Variants in TRIM67 observed in about 807,000 individuals in gnomAD.
The protein encoded by TRIM67 is tripartite motif containing 67, also known as tripartite motif-containing protein 67.
TRIM67 carries 39 observed loss-of-function variants against 71.0 expected under a neutral mutation model. The observed-to-expected ratio is 0.55, with a 90% CI of 0.43 to 0.72. TRIM67 has a LOEUF of 0.72. Among genes scored for constraint, TRIM67 ranks in the 30% least tolerant of loss-of-function variants. The pLI is 0.00. For missense variants in TRIM67, 973 were observed against 1,079.2 expected (o/e 0.90, Z 1.38); for synonymous variants, 481 against 473.9 (o/e 1.01, Z -0.19).
In TRIM67 at chr1:231,209,274, TC is replaced by T. The variant is rs1479200524; in HGVS notation, c.2123+27del. 4.6e-6 allele frequency: 7 copies of T among 1,515,242 alleles called. No homozygotes were observed. The highest frequency in any genetic ancestry group is 6.2e-6 in the Non-Finnish European group (7 of 1,126,776). 93.9% of individuals were successfully genotyped at this position (1,515,242 alleles called of 1,614,324 possible). On this transcript the variant is annotated intron_variant, in intron 8 of 9. Coordinates refer to ENST00000366653, the MANE Select transcript of TRIM67 (RefSeq NM_001004342.5). The surrounding 1 kb of genome is among the most constrained non-coding windows in gnomAD (Gnocchi z 4.1). ...AGGTGCGATTGGGCCCCATCCTGCC[TC>T]CCGTGGACACAGGTTGTTTGGGAAT... is the stretch of plus-strand genomic sequence containing the variant.
chr1:231,176,895 A>ATAC (rs890296850), intron 1 of TRIM67, among the ~76,000 whole-genome samples: 1 of 131,592 alleles, frequency 7.6e-6, no homozygotes, highest in African/African-American at 3.3e-5. Flanking sequence ...CTGTTTGCCA[A>ATAC]TACAATCTGG....
In TRIM67 at chr1:231,215,773, C is replaced by G; in HGVS notation, c.*333C>G. On this transcript the variant is annotated 3_prime_UTR_variant, in exon 10 of 10. Transcript: ENST00000366653. Reference sequence around the variant, plus strand: ...TGTTTCCTGCCATCTGTTTTCAAAGCTTGTCTTTTTTTGGAGGGAGAGGAA... The same window carrying G: ...TGTTTCCTGCCATCTGTTTTCAAAGGTTGTCTTTTTTTGGAGGGAGAGGAA... The G allele has an allele frequency of 9.0e-7, 1 of 1,105,666 alleles. No homozygotes were observed. The highest frequency in any genetic ancestry group is 1.1e-6 in the Non-Finnish European group (1 of 907,594). 68.5% of individuals were successfully genotyped at this position (1,105,666 alleles called of 1,614,324 possible). A position where few individuals can be genotyped will look rare whatever the true frequency, so the allele number is the denominator to read the frequency against.
Position 231,206,308 on chromosome 1 carries a change from G to A in TRIM67, c.1681-344G>A, listed in dbSNP as rs568213032. Among the ~76,000 whole-genome samples, 8 of 151,826 alleles carry A rather than the reference G, an allele frequency of 5.3e-5. No homozygotes were observed. The South Asian group carries it at 1.7e-3, about 32-fold the overall frequency. On this transcript the variant is annotated intron_variant, in intron 6 of 9. Coordinates refer to ENST00000366653, the MANE Select transcript of TRIM67 (RefSeq NM_001004342.5). Reference sequence around the variant, plus strand: ...ATATATAAATTAGCTGGGCATGGTGGTGCATGCTTGTAGTTCCAGCTACTT... The same window carrying A: ...ATATATAAATTAGCTGGGCATGGTGATGCATGCTTGTAGTTCCAGCTACTT...
At chr1:231,201,846 G>A (rs1020874594) in intron 5 of TRIM67, among the ~76,000 whole-genome samples, 4 of 152,220 alleles carry the variant, frequency 2.6e-5, no homozygotes, top group African/African-American at 4.8e-5. Context: ...CTCAAGATGC[G>A]GTTGAACAAG....
In TRIM67 at chr1:231,213,885, T is replaced by G; in HGVS notation, c.2194T>G (p.Phe732Val). Residue 732 changes from phenylalanine (F) to valine (V), a missense_variant, in exon 9 of 10, where the codon TTC (phenylalanine) becomes GTC (valine). By Grantham distance (50) the Phe-to-Val change is conservative. This residue lies in a region of TRIM67 where 178 missense variants were observed against 247.9 expected (regional missense o/e 0.72). Coordinates refer to ENST00000366653, the MANE Select transcript of TRIM67 (RefSeq NM_001004342.5). ...GGACCTGAATAAGCACACTCTCACC[T>G]TCTTCATCAACGGGCAGCAGCAGGG... is the stretch of plus-strand genomic sequence containing the variant. ...LLDLNKHTLT[F>V]FINGQQQGPT... 2 of 1,613,744 alleles carry G rather than the reference T, an allele frequency of 1.2e-6. No homozygotes were observed. Among genetic ancestry groups the G allele is most frequent in the Non-Finnish European group, 1.7e-6 (2 of 1,179,760 alleles).
Position 231,163,205 on chromosome 1 carries a change from G to A in TRIM67, c.236G>A (p.Gly79Asp), listed in dbSNP as rs1682340990. Residue 79 changes from glycine to aspartate, a missense_variant, in exon 1 of 10, where the codon GGT becomes GAT. Around this residue, in one of 2 missense-constraint regions of TRIM67, gnomAD observed 795 missense variants for 831.3 expected, o/e 0.96. Transcript: ENST00000366653. The stretch of plus-strand genomic sequence containing the variant: ...GCTGCGGCTGGCCCGGCCTGCGGCG[G>A]TGCAGGCGGGAGTGCAGCTGGCGGC... The part of the protein sequence containing the change: ...HDAAAGPACG[G>D]AGGSAAGGLG... 6.7e-7 allele frequency: 1 copy of A among 1,491,736 alleles called. No homozygotes were observed. Among genetic ancestry groups the A allele is most frequent in the Non-Finnish European group, 8.9e-7 (1 of 1,122,522 alleles). 92.4% of individuals were successfully genotyped at this position (1,491,736 alleles called of 1,614,324 possible).
intron 1 of TRIM67, among the ~76,000 whole-genome samples, chr1:231,182,567 C>T (rs181660057): frequency 8.5e-5 from 13 of 152,170 alleles, no homozygotes; most frequent in Non-Finnish European, 1.8e-4. Flanking sequence ...TTTGGATGAC[C>T]GTGGGGCACC....
At chr1:231,210,087 A>G (rs1683825977) in intron 8 of TRIM67, among the ~76,000 whole-genome samples, 1 of 152,170 alleles carries the variant, frequency 6.6e-6, no homozygotes, top group African/African-American at 2.4e-5. Flanking sequence ...GTGGGGATGG[A>G]CGTGGGGGTG....
At chr1:231,197,642 A>G (rs1202662552) in intron 2 of TRIM67, among the ~76,000 whole-genome samples, 176 bp downstream of exon 2, 1 of 152,164 alleles carries the variant, frequency 6.6e-6, no homozygotes, top group African/African-American at 2.4e-5. Context: ...CCTTACCAAC[A>G]TGGAGAAACC....
rs368255481 is a variant in TRIM67 at position 231,219,209 on chromosome 1, A to G, written c.*3769A>G. On this transcript the variant is annotated 3_prime_UTR_variant, in exon 10 of 10. Transcript: ENST00000366653. ...TCTCAACCTCTACTGACATTTTGCG[A>G]TAGGTTCTGTATGCCGTAGGATGTT... 48 of 985,186 alleles carry G rather than the reference A, an allele frequency of 4.9e-5. No homozygotes were observed. The Middle Eastern group carries it at 1.6e-3, about 32-fold the overall frequency. The allele number at this position is 985,186 out of a possible 1,614,324, so 61.0% of individuals were successfully genotyped here. A position where few individuals can be genotyped will look rare whatever the true frequency, so the allele number is the denominator to read the frequency against.
At position 231,216,146 on chromosome 1, in the gene TRIM67, C is replaced by G; in HGVS notation, c.*706C>G. 1 of 976,722 alleles carries G rather than the reference C, an allele frequency of 1.0e-6. No individual in the cohort carries two copies. Among genetic ancestry groups the G allele is most frequent in the Non-Finnish European group, 1.2e-6 (1 of 822,332 alleles). 60.5% of individuals were successfully genotyped at this position (976,722 alleles called of 1,614,324 possible). A position where few individuals can be genotyped will look rare whatever the true frequency, so the allele number is the denominator to read the frequency against. ...TCCATCCTTCATTTCTTCTCCCTCCCTCCTTCTCTTTCTCTCTTCTTCTCT... is the reference window on the plus strand; with the variant it reads ...TCCATCCTTCATTTCTTCTCCCTCCGTCCTTCTCTTTCTCTCTTCTTCTCT... On this transcript the variant is annotated 3_prime_UTR_variant, in exon 10 of 10. Coordinates refer to ENST00000366653, the MANE Select transcript of TRIM67 (RefSeq NM_001004342.5).
At position 231,194,152 on chromosome 1, in the gene TRIM67, G is replaced by A. The variant is rs1052724536; in HGVS notation, c.1045-3219G>A. Among the ~76,000 whole-genome samples, 25 of 152,320 alleles carry A rather than the reference G, an allele frequency of 1.6e-4. No individual in the cohort carries two copies. The East Asian group carries it at 4.6e-3, about 28-fold the overall frequency. On this transcript the variant is annotated intron_variant, in intron 1 of 9. Coordinates refer to ENST00000366653, the MANE Select transcript of TRIM67 (RefSeq NM_001004342.5). ...TCTGTGTGTTCTGTTGCTGCAGCCC[G>A]AGCTGACCAAGAGAGGAGGGGCCAG...
intron 2 of TRIM67, 86 bp from the exon 3 acceptor site, chr1:231,198,961 A>G: frequency 6.3e-7 from 1 of 1,585,998 alleles, no homozygotes; most frequent in Non-Finnish European, 8.6e-7. Context: ...TCTGAAATAT[A>G]TCTTTGTCTA....
intron 1 of TRIM67, among the ~76,000 whole-genome samples, chr1:231,171,710 A>G (rs1423510154): frequency 6.6e-6 from 1 of 152,112 alleles, no homozygotes; most frequent in Non-Finnish European, 1.5e-5. Context: ...TCTAACAGAG[A>G]TTATGAGTCG....
At chr1:231,185,826 G>A (rs889224884) in intron 1 of TRIM67, among the ~76,000 whole-genome samples, 2 of 151,876 alleles carry the variant, frequency 1.3e-5, no homozygotes, top group Non-Finnish European at 2.9e-5. Flanking sequence ...AGAGGTGATG[G>A]CAGAACAGAG....
At position 231,216,261 on chromosome 1, in the gene TRIM67, C is replaced by T. The variant is rs571686450; in HGVS notation, c.*821C>T. On this transcript the variant is annotated 3_prime_UTR_variant, in exon 10 of 10. Transcript: ENST00000366653. ...ATCCCTGCCTCTTTCTTCCCTCTTT[C>T]GCTCTCTTTCCCTCCCTCCTTCTCT... 38 of 979,342 alleles carry T rather than the reference C, an allele frequency of 3.9e-5. No homozygotes were observed. The Admixed American group carries it at 6.2e-4, about 16-fold the overall frequency. 60.7% of individuals were successfully genotyped at this position (979,342 alleles called of 1,614,324 possible). A position where few individuals can be genotyped will look rare whatever the true frequency, so the allele number is the denominator to read the frequency against.
intron 1 of TRIM67, among the ~76,000 whole-genome samples, chr1:231,178,644 C>T (rs748451784): frequency 1.1e-4 from 16 of 152,324 alleles, no homozygotes; most frequent in East Asian, 7.7e-4. Context: ...TCACACTGAA[C>T]GGGTGCCTAG....
intron 1 of TRIM67, among the ~76,000 whole-genome samples, chr1:231,188,438 G>C (rs1431240026): frequency 6.6e-6 from 1 of 152,182 alleles, no homozygotes; most frequent in East Asian, 1.9e-4. Flanking sequence ...GAATGCCAGG[G>C]ACAAGGGTCC....
Position 231,167,319 on chromosome 1 carries a change from C to CT in TRIM67, c.1044+3327dup, listed in dbSNP as rs1159766852. Among the ~76,000 whole-genome samples, 837 of 51,832 alleles carry CT rather than the reference C, an allele frequency of 0.016. 228 individuals are homozygous for CT. The East Asian group carries it at 0.19, about 12-fold the overall frequency. The allele number at this position is 51,832 out of a possible 152,430, so 34.0% of individuals were successfully genotyped here. Reference sequence around the variant, plus strand: ...ACAGGACTTTTGATCACTCTAATGTCTTTTTTTTTTTTTTTTTTTTTGAGA... The same window carrying CT: ...ACAGGACTTTTGATCACTCTAATGTCTTTTTTTTTTTTTTTTTTTTTTGAGA... On this transcript the variant is annotated intron_variant, in intron 1 of 9. Transcript: ENST00000366653.
Sources: gnomAD v4.1 joint callset for allele counts (sites outside exome capture counted in the v4.1 genomes callset) on GRCh38, gnomAD v4.1.1 for gene constraint, gnomAD v4.1.1 regional missense constraint, Gnocchi (gnomAD v3.1) non-coding constraint, MANE v1.5 for transcripts, NCBI Gene and HGNC (gene_info 2026-07-23, HGNC 2026-07-21) for gene names.